Variants in VCF1 observed in about 807,000 individuals in gnomAD.
VCF1 encodes the protein VCP nuclear cofactor family member 1.
the VCF1 span, among the ~76,000 whole-genome samples, chr17:73,224,003 A>G: frequency 6.9e-6 from 1 of 144,112 alleles, no homozygotes; most frequent in Non-Finnish European, 1.5e-5. Flanking sequence ...AAAGGGAGGA[A>G]GGAAAGGAGG....
chr17:73,220,195 AT>A, the VCF1 span, among the ~76,000 whole-genome samples: 3 of 152,144 alleles, frequency 2.0e-5, no homozygotes, highest in Non-Finnish European at 4.4e-5. Context: ...AAATACTCCT[AT>A]TGTCATATGA....
the VCF1 span, among the ~76,000 whole-genome samples, chr17:73,223,976 C>A: frequency 6.8e-6 from 1 of 146,704 alleles, no homozygotes; most frequent in African/African-American, 2.5e-5. Context: ...GGAGCCCCTG[C>A]CAGAAAGAAA....
At chr17:73,223,137 G>A in the VCF1 span, among the ~76,000 whole-genome samples, 1 of 152,244 alleles carries the variant, frequency 6.6e-6, no homozygotes, top group East Asian at 1.9e-4. Context: ...GACCAACATG[G>A]AGAAACCTTG....
chr17:73,220,894 A>ATTTTTTTTTTTTTTTTTTTTTTTTTT, the VCF1 span, among the ~76,000 whole-genome samples: 1 of 96,670 alleles, frequency 1.0e-5, no homozygotes. Flanking sequence ...TTTAATTTAG[A>ATTTTTTTTTTTTTTTTTTTTTTTTTT]TTTTTTTTTT....
the VCF1 span, chr17:73,209,338 C>A: frequency 1.4e-6 from 1 of 735,860 alleles, no homozygotes; most frequent in Non-Finnish European, 2.2e-6. Flanking sequence ...GCTTCAAAGC[C>A]CCTTTGAAAT....
the VCF1 span, among the ~76,000 whole-genome samples, chr17:73,217,467 T>A: frequency 0.057 from 8,593 of 151,648 alleles, 338 homozygotes; most frequent in Non-Finnish European, 0.079. Flanking sequence ...CTGGCCAACA[T>A]GGTGAAACCC....
the VCF1 span, among the ~76,000 whole-genome samples, chr17:73,216,105 C>T: frequency 2.6e-5 from 4 of 151,832 alleles, no homozygotes; most frequent in African/African-American, 9.7e-5. Flanking sequence ...GAGTGGGGAT[C>T]CTAGGAATCT....
At chr17:73,227,750 G>T in the VCF1 span, 1 of 639,786 alleles carries the variant, frequency 1.6e-6, no homozygotes, top group Non-Finnish European at 1.9e-6. Context: ...TGCTTATTCT[G>T]GCAACACTAG....
chr17:73,211,809 G>A, the VCF1 span, among the ~76,000 whole-genome samples: 1 of 152,110 alleles, frequency 6.6e-6, no homozygotes, highest in Non-Finnish European at 1.5e-5. Flanking sequence ...GCAGTGAGCC[G>A]AGATCACGCC....
chr17:73,218,647 G>C, the VCF1 span, among the ~76,000 whole-genome samples: 3 of 152,208 alleles, frequency 2.0e-5, no homozygotes, highest in African/African-American at 7.2e-5. Flanking sequence ...CACTTTGGGA[G>C]GCTGAGGTGG....
At chr17:73,230,417 T>C in the VCF1 span, among the ~76,000 whole-genome samples, 1 of 146,382 alleles carries the variant, frequency 6.8e-6, no homozygotes, top group South Asian at 2.2e-4. Context: ...TTTTTTTTTT[T>C]AGATGGAAGT....
the VCF1 span, chr17:73,232,329 C>G: frequency 1.3e-6 from 2 of 1,547,092 alleles, no homozygotes. Context: ...GTGGTACCGC[C>G]CTCTCGCGGC....
At chr17:73,212,974 G>A in the VCF1 span, among the ~76,000 whole-genome samples, 17 of 152,088 alleles carry the variant, frequency 1.1e-4, no homozygotes, top group South Asian at 6.2e-4. Flanking sequence ...GGCTGGGCGC[G>A]GTGGTTCACG....
At chr17:73,222,626 A>T in the VCF1 span, among the ~76,000 whole-genome samples, 1 of 151,860 alleles carries the variant, frequency 6.6e-6, no homozygotes, top group Non-Finnish European at 1.5e-5. Flanking sequence ...AAAATACAAA[A>T]ATTTGCTGGG....
the VCF1 span, chr17:73,208,231 C>G: frequency 6.2e-7 from 1 of 1,605,498 alleles, no homozygotes; most frequent in Non-Finnish European, 8.5e-7. Flanking sequence ...GCCGTGTGGA[C>G]TCCGAGTGGC....
At chr17:73,231,642 G>C in the VCF1 span, among the ~76,000 whole-genome samples, 112 of 152,320 alleles carry the variant, frequency 7.4e-4, no homozygotes, top group African/African-American at 2.6e-3. Context: ...CCTGCTGCGG[G>C]GTTAAGCCCA....
chr17:73,225,442 A>C, the VCF1 span, among the ~76,000 whole-genome samples: 15 of 151,386 alleles, frequency 9.9e-5, no homozygotes, highest in African/African-American at 3.6e-4. Flanking sequence ...AAAGGATGAC[A>C]ATTTCTTTCT....
At chr17:73,232,304 C>T in the VCF1 span, 13 of 1,577,988 alleles carry the variant, frequency 8.2e-6, no homozygotes, top group South Asian at 2.2e-5. Context: ...CGCGCCCCCC[C>T]ATGTCGCTGC....
At chr17:73,208,687 A>G in the VCF1 span, 2 of 560,018 alleles carry the variant, frequency 3.6e-6, no homozygotes, top group Non-Finnish European at 6.4e-6. Context: ...TCAGCGTTCA[A>G]CAACACCTTA....
Sources: allele counts gnomAD v4.1 joint callset (sites outside exome capture counted in the v4.1 genomes callset), GRCh38; gene constraint gnomAD v4.1.1; transcripts MANE v1.5; gene names NCBI Gene and HGNC (gene_info 2026-07-23, HGNC 2026-07-21).